The following ZC3H14 variants were observed in gnomAD, a reference collection of about 807,000 sequenced individuals.
ZC3H14 encodes the protein zinc finger CCCH-type containing 14.
ZC3H14 carries 31 observed loss-of-function variants against 92.4 expected under a neutral mutation model. The observed-to-expected ratio is 0.34, with a 90% confidence interval of 0.25 to 0.45. ZC3H14 has a LOEUF of 0.45. ZC3H14 is among the 20% of genes least tolerant of loss of function. The probability of loss-of-function intolerance (pLI) is 1.00; values close to 1 mark genes in which losing one functional copy is unlikely to be tolerated. For missense variants in ZC3H14, 781 were observed against 897.3 expected (o/e 0.87, Z 1.66); for synonymous variants, 321 against 300.9 (o/e 1.07, Z -0.69).
At chr14:88,591,617 A>T (rs1380035639) in intron 9 of ZC3H14, 1 of 152,200 alleles carries the variant, frequency 6.6e-6, no homozygotes, top group Non-Finnish European at 1.5e-5. Flanking sequence ...GAGATTTTAC[A>T]TTCAAAGAAA....
At position 88,621,248 on chromosome 14, in the gene ZC3H14, T is replaced by C; in HGVS notation, c.*9497T>C. Reference sequence around the variant, plus strand: ...TAACTAAAATATTACAAGCTGCATTTTTCTCTCCAACTTCGATTATTTCAG... The same window carrying C: ...TAACTAAAATATTACAAGCTGCATTCTTCTCTCCAACTTCGATTATTTCAG... On this transcript the variant is annotated 3_prime_UTR_variant, in exon 17 of 17. Transcript: ENST00000251038. The C allele has an allele frequency of 6.2e-7, 1 of 1,613,946 alleles. No homozygotes were observed. Among genetic ancestry groups the C allele is most frequent in the Non-Finnish European group, 8.5e-7 (1 of 1,179,872 alleles).
rs2086840502 is a variant in ZC3H14 at position 88,611,790 on chromosome 14, A to G, written c.*39A>G. The G allele has an allele frequency of 6.2e-7, 1 of 1,613,880 alleles. No individual in the cohort carries two copies. Among genetic ancestry groups the G allele is most frequent in the Admixed American group, 1.7e-5 (1 of 60,014 alleles). On this transcript the variant is annotated 3_prime_UTR_variant, in exon 17 of 17. Transcript: ENST00000251038. The stretch of plus-strand genomic sequence containing the variant: ...CTGGCAGAAGATCATGCAGTTTGGA[A>G]GTTTTCATGTACTGATGAAAGATAC...
At position 88,614,347 on chromosome 14, in the gene ZC3H14, A is replaced by G. The variant is rs953083692; in HGVS notation, c.*2596A>G. ...ACGTTTCAAGCTTCTTAGCCCCATAATCAGTCCTTCAGCCACAGCTATTTA... is the reference window on the plus strand; with the variant it reads ...ACGTTTCAAGCTTCTTAGCCCCATAGTCAGTCCTTCAGCCACAGCTATTTA... On this transcript the variant is annotated 3_prime_UTR_variant, in exon 17 of 17. Transcript: ENST00000251038. The G allele has an allele frequency of 3.3e-5, 5 of 152,230 alleles. No individual in the cohort carries two copies. The allele number at this position is 152,230 out of a possible 1,614,324, so 9.4% of individuals were successfully genotyped here. A position where few individuals can be genotyped will look rare whatever the true frequency, so the allele number is the denominator to read the frequency against.
intron 12 of ZC3H14, among the ~76,000 whole-genome samples, 183 bp from the exon 13 acceptor site, chr14:88,607,060 T>C (rs1049572396): frequency 6.6e-6 from 1 of 152,154 alleles, no homozygotes; most frequent in Non-Finnish European, 1.5e-5. Context: ...GTTGTCTTCT[T>C]CCTGGCAACC....
At chr14:88,571,542 T>C (rs901635319) in intron 4 of ZC3H14, among the ~76,000 whole-genome samples, 5 of 152,198 alleles carry the variant, frequency 3.3e-5, no homozygotes, top group Admixed American at 1.3e-4. Flanking sequence ...AAAAAATGTG[T>C]ATATATGCTC....
intron 13 of ZC3H14, among the ~76,000 whole-genome samples, chr14:88,607,850 A>G (rs941205924): frequency 8.8e-6 from 1 of 113,106 alleles, no homozygotes; most frequent in African/African-American, 3.5e-5. Flanking sequence ...TCAGCCTGCA[A>G]GTACCATCCC....
chr14:88,618,557 G>A lies in ZC3H14; in HGVS notation c.*6806G>A. The A allele has an allele frequency of 7.1e-7, 1 of 1,409,968 alleles. No individual in the cohort carries two copies. 87.3% of individuals were successfully genotyped at this position (1,409,968 alleles called of 1,614,324 possible). A position where few individuals can be genotyped will look rare whatever the true frequency, so the allele number is the denominator to read the frequency against. ...CAAAGGGAGGAGTTGAGAAGCTGGA[G>A]CTCTGGAGCTCAGGAACTTTAAATG... On this transcript the variant is annotated 3_prime_UTR_variant, in exon 17 of 17. Coordinates refer to ENST00000251038, the MANE Select transcript of ZC3H14 (RefSeq NM_024824.5).
Position 88,578,137 on chromosome 14 carries a change from C to T in ZC3H14, c.1276C>T (p.Gln426Ter). 1 of 1,613,874 alleles carries T rather than the reference C, an allele frequency of 6.2e-7. No individual in the cohort carries two copies. Among genetic ancestry groups the T allele is most frequent in the Non-Finnish European group, 8.5e-7 (1 of 1,179,906 alleles). The part of the protein sequence containing the change: ...ETKGDSVEKN[Q>*]GTQQRQLLSR... The stretch of plus-strand genomic sequence containing the variant: ...AAAAGGAGATTCTGTAGAAAAAAAT[C>T]AAGGTAATAACTTAAATGATGTTTC... Residue 426 changes from glutamine (Q) to a stop codon, truncating the protein, a stop_gained, in exon 9 of 17, where the codon CAA becomes TAA. Coordinates refer to ENST00000251038, the MANE Select transcript of ZC3H14 (RefSeq NM_024824.5). LOFTEE classifies it high-confidence loss of function.
At chr14:88,598,921 T>C (rs2084225459) in intron 10 of ZC3H14, among the ~76,000 whole-genome samples, 1 of 152,208 alleles carries the variant, frequency 6.6e-6, no homozygotes, top group Non-Finnish European at 1.5e-5. Flanking sequence ...ACCCAATCTC[T>C]ACTAAAAAAT....
intron 2 of ZC3H14, among the ~76,000 whole-genome samples, chr14:88,566,949 A>C (rs2079728305): frequency 6.6e-6 from 1 of 151,506 alleles, no homozygotes; most frequent in Non-Finnish European, 1.5e-5. Flanking sequence ...GAGAACTGGA[A>C]TGGAGTTTTG....
intron 9 of ZC3H14, among the ~76,000 whole-genome samples, chr14:88,584,349 A>C (rs2082245174): frequency 6.6e-6 from 1 of 152,226 alleles, no homozygotes. Flanking sequence ...ATAGTGACAA[A>C]ATTAAGAAAA....
At chr14:88,595,357 A>G (rs1481561473) in intron 9 of ZC3H14, among the ~76,000 whole-genome samples, 3 of 152,258 alleles carry the variant, frequency 2.0e-5, no homozygotes, top group South Asian at 2.1e-4. Flanking sequence ...ACCTAGAGCA[A>G]TGAAGCAAAA....
Position 88,572,079 on chromosome 14 carries a change from G to A in ZC3H14, c.285G>A (p.Val95=). The A allele has an allele frequency of 6.2e-7, 1 of 1,614,132 alleles. No homozygotes were observed. The highest frequency in any genetic ancestry group is 8.5e-7 in the Non-Finnish European group (1 of 1,180,032). Residue 95 remains valine, a synonymous_variant, in exon 5 of 17, where the codon GTG becomes GTA. Coordinates refer to ENST00000251038, the MANE Select transcript of ZC3H14 (RefSeq NM_024824.5). ...SSDTNIFDSN[V]PSNKSNFSRG... is the part of the protein sequence containing the mutation. ...ATACCAACATCTTTGATAGTAACGTGCCTTCAAACAAGAGCAATTTCAGTC... is the reference window on the plus strand; with the variant it reads ...ATACCAACATCTTTGATAGTAACGTACCTTCAAACAAGAGCAATTTCAGTC...
rs370516919 is a variant in ZC3H14 at position 88,577,939 on chromosome 14, G to T, written c.1124-46G>T. On this transcript the variant is annotated intron_variant, in intron 8 of 16. Coordinates refer to ENST00000251038, the MANE Select transcript of ZC3H14 (RefSeq NM_024824.5). ...GACATAGTCACTGTGGAGTTTTGACGTATTACTGCATTTGTATTTCTATCT... is the reference window on the plus strand; with the variant it reads ...GACATAGTCACTGTGGAGTTTTGACTTATTACTGCATTTGTATTTCTATCT... 2.2e-5 allele frequency: 35 copies of T among 1,610,054 alleles called. No individual in the cohort carries two copies. The East Asian group carries it at 4.9e-4, about 23-fold the overall frequency.
chr14:88,613,071 A>AGCCAGCAGTCT lies in ZC3H14; in HGVS notation c.*1321_*1331dup, dbSNP rs1172969203. ...CAAAGGCTCACGTTTAAGATTGTCA[A>AGCCAGCAGTCT]GCCAGCAGTCTACTGTTGTGTTGCC... On this transcript the variant is annotated 3_prime_UTR_variant, in exon 17 of 17. Transcript: ENST00000251038. 6.6e-6 allele frequency: 1 copy of AGCCAGCAGTCT among 152,514 alleles called. No homozygotes were observed. The highest frequency in any genetic ancestry group is 1.5e-5 in the Non-Finnish European group (1 of 68,038). 9.4% of individuals were successfully genotyped at this position (152,514 alleles called of 1,614,324 possible).
At chr14:88,572,473 TA>T (rs2080561010) in intron 5 of ZC3H14, 104 bp from the exon 6 acceptor site, 1 of 1,393,734 alleles carries the variant, frequency 7.2e-7, no homozygotes, top group African/African-American at 1.4e-5. Context: ...GTAAAGGGAG[TA>T]TCCTCAGTTT....
chr14:88,625,105 G>A lies in ZC3H14; in HGVS notation c.*13354G>A. On this transcript the variant is annotated 3_prime_UTR_variant, in exon 17 of 17. Transcript: ENST00000251038. ...CCACACACAGACATCACCACTGATG[G>A]TACCTGTAAACGTCAAGTTATTCTG... 6.2e-7 allele frequency: 1 copy of A among 1,613,784 alleles called. No homozygotes were observed. The highest frequency in any genetic ancestry group is 8.5e-7 in the Non-Finnish European group (1 of 1,179,820).
intron 1 of ZC3H14, 75 bp from the exon 2 acceptor site, chr14:88,563,576 T>A: frequency 1.3e-6 from 2 of 1,597,292 alleles, no homozygotes; most frequent in Non-Finnish European, 1.7e-6. Context: ...CAAAGTGGCC[T>A]CAGCCGCTGC....
At position 88,625,227 on chromosome 14, in the gene ZC3H14, A is replaced by G; in HGVS notation, c.*13476A>G. ...TATGTGTAATGCTGTCTCACCCTTG[A>G]TACAAAGAGCATGCATCGTGTAGTG... On this transcript the variant is annotated 3_prime_UTR_variant, in exon 17 of 17. Transcript: ENST00000251038. 1.5e-6 allele frequency: 2 copies of G among 1,372,114 alleles called. No individual in the cohort carries two copies. The highest frequency in any genetic ancestry group is 2.0e-6 in the Non-Finnish European group (2 of 1,010,406). The allele number at this position is 1,372,114 out of a possible 1,614,324, so 85.0% of individuals were successfully genotyped here.
Sources: allele counts gnomAD v4.1 joint callset (sites outside exome capture counted in the v4.1 genomes callset), GRCh38; gene constraint gnomAD v4.1.1; transcripts MANE v1.5; gene names NCBI Gene and HGNC (gene_info 2026-07-23, HGNC 2026-07-21).